The following STN1 variants were observed in gnomAD, a reference collection of about 807,000 sequenced individuals.
The protein encoded by STN1 is STN1 subunit of CST complex.
Under a neutral mutation model 45.5 loss-of-function variants are expected in STN1, and 29 were observed. The ratio of observed to expected loss-of-function variants is 0.64; its 90% CI spans 0.47 to 0.87. The LOEUF is 0.87. Among genes scored for constraint, STN1 ranks in the 40% least tolerant of loss-of-function variants. The pLI is 0.00. For synonymous variants in STN1, 148 were observed against 159.0 expected (o/e 0.93, Z 0.52); for missense variants, 376 against 441.4 (o/e 0.85, Z 1.33).
At position 103,892,233 on chromosome 10, in the gene STN1, G is replaced by T; in HGVS notation, c.773C>A (p.Thr258Asn). 6.3e-7 allele frequency: 1 copy of T among 1,598,534 alleles called. No homozygotes were observed. Among genetic ancestry groups the T allele is most frequent in the Non-Finnish European group, 8.5e-7 (1 of 1,176,024 alleles). Residue 258 changes from threonine (T) to asparagine (N), a missense_variant, in exon 8 of 10, where the codon ACC becomes AAC. Thr to Asn is a moderately conservative substitution (Grantham distance 65). Transcript: ENST00000224950. ...TATACTATGAATTGCCTTGGAAGTG[G>T]TGTCCTTCTTAAAATTCACCTGTAA... ...SSDQVNFKKD[T>N]TSKAIHSIFK...
At chr10:103,910,717 A>G (rs1843284671) in intron 2 of STN1, 95 bp from the exon 3 acceptor site, 2 of 657,378 alleles carry the variant, frequency 3.0e-6, no homozygotes, top group Non-Finnish European at 5.3e-6. Context: ...GTGTAAAAAA[A>G]TCAATCCATG....
In STN1 at chr10:103,917,654, C is replaced by A; in HGVS notation, c.-60G>T. 1 of 1,573,684 alleles carries A rather than the reference C, an allele frequency of 6.4e-7. No homozygotes were observed. The highest frequency in any genetic ancestry group is 8.6e-7 in the Non-Finnish European group (1 of 1,156,138). ...AAAGGTTCTGCATCACTGAGTCAAG[C>A]ATCTAGATGGGACACAGAAATGAGG... is the stretch of plus-strand genomic sequence containing the variant. On this transcript the variant is annotated splice_region_variant and 5_prime_UTR_variant, in exon 2 of 10. An upstream start codon of the reference 5' UTR is lost. Coordinates refer to ENST00000224950, the MANE Select transcript of STN1 (RefSeq NM_024928.5).
At chr10:103,906,029 T>A (rs528747515) in intron 3 of STN1, among the ~76,000 whole-genome samples, 1 of 152,298 alleles carries the variant, frequency 6.6e-6, no homozygotes, top group South Asian at 2.1e-4. Context: ...ACTAGACTGT[T>A]GTAAAAGCAC....
intron 7 of STN1, among the ~76,000 whole-genome samples, chr10:103,892,619 A>G (rs1843147102): frequency 6.6e-6 from 1 of 152,150 alleles, no homozygotes; most frequent in Non-Finnish European, 1.5e-5. Flanking sequence ...ATTAAAATTG[A>G]GGCTGTATAC....
chr10:103,908,267 C>G (rs796428601), intron 3 of STN1, among the ~76,000 whole-genome samples: 10 of 86,418 alleles, frequency 1.2e-4, no homozygotes, highest in African/African-American at 3.4e-4. Context: ...GGCACTGTCA[C>G]CAACCCCCGG....
intron 2 of STN1, among the ~76,000 whole-genome samples, chr10:103,911,779 T>C (rs1209405978): frequency 6.6e-6 from 1 of 152,160 alleles, no homozygotes; most frequent in Admixed American, 6.5e-5. Context: ...TTCTATTCTG[T>C]CCATTCATGG....
At chr10:103,889,415 C>T (rs925997692) in intron 8 of STN1, among the ~76,000 whole-genome samples, 1 of 152,038 alleles carries the variant, frequency 6.6e-6, no homozygotes, top group Non-Finnish European at 1.5e-5. Context: ...CTTTCTTCTT[C>T]AACACTCATA....
At chr10:103,890,446 T>C (rs1843132833) in intron 8 of STN1, among the ~76,000 whole-genome samples, 1 of 152,152 alleles carries the variant, frequency 6.6e-6, no homozygotes, top group Non-Finnish European at 1.5e-5. Flanking sequence ...CGACAAGAGA[T>C]CTATTTGTGC....
chr10:103,888,573 G>A (rs188116494), intron 9 of STN1, among the ~76,000 whole-genome samples: 5 of 152,198 alleles, frequency 3.3e-5, no homozygotes, highest in East Asian at 3.9e-4. Context: ...GAATTACACC[G>A]TTCATAAACA....
At chr10:103,896,979 G>A (rs570229569) in intron 7 of STN1, among the ~76,000 whole-genome samples, 1 of 152,254 alleles carries the variant, frequency 6.6e-6, no homozygotes, top group Admixed American at 6.5e-5. Context: ...GTAGATGAGA[G>A]GAGGTAATTA....
intron 4 of STN1, 98 bp from the exon 5 acceptor site, chr10:103,900,321 G>T (rs1455163706): frequency 1.8e-6 from 2 of 1,139,314 alleles, no homozygotes; most frequent in Admixed American, 5.1e-5. Context: ...AACACAATAT[G>T]CTTATTTATT....
At position 103,897,687 on chromosome 10, in the gene STN1, G is replaced by T; in HGVS notation, c.614C>A (p.Thr205Lys). ...TTTGGCTTTTTCACTCAGCAAACTC[G>T]TGAGACTGGGGAGGTCCAGGGCGCC... ...NPGALDLPSL[T>K]SLLSEKAKEF... The change falls in exon 7 of 10, where the codon ACG becomes AAG. Residue 205 changes from threonine (T) to lysine (K), a missense_variant. By Grantham distance (78) the Thr-to-Lys change is moderately conservative (BLOSUM62 -1). Coordinates refer to ENST00000224950, the MANE Select transcript of STN1 (RefSeq NM_024928.5). The T allele has an allele frequency of 1.2e-6, 2 of 1,614,194 alleles. No individual in the cohort carries two copies. Among genetic ancestry groups the T allele is most frequent in the Non-Finnish European group, 1.7e-6 (2 of 1,180,036 alleles).
intron 9 of STN1, among the ~76,000 whole-genome samples, chr10:103,885,194 T>C (rs1298460395): frequency 1.3e-5 from 2 of 152,190 alleles, no homozygotes; most frequent in Non-Finnish European, 2.9e-5. Flanking sequence ...GAATGTAACT[T>C]AGTTCCTGCT....
At chr10:103,886,512 A>G (rs1285306582) in intron 9 of STN1, among the ~76,000 whole-genome samples, 4 of 152,296 alleles carry the variant, frequency 2.6e-5, no homozygotes, top group Non-Finnish European at 1.5e-5. Flanking sequence ...CCCATACTGA[A>G]AGCCAAAATC....
intron 9 of STN1, among the ~76,000 whole-genome samples, chr10:103,884,630 C>T (rs1275433128): frequency 6.6e-6 from 1 of 152,148 alleles, no homozygotes; most frequent in Admixed American, 6.5e-5. Flanking sequence ...CACAAAGTCA[C>T]TGAAAGTTGT....
In STN1 at chr10:103,899,987, T is replaced by A. The variant is rs1186944897; in HGVS notation, c.457+75A>T. Reference sequence around the variant, plus strand: ...TAACTGAACTTTTTGAAAGTTTGACTTCCAGCTGAACAAGAGGTTTACTGG... The same window carrying A: ...TAACTGAACTTTTTGAAAGTTTGACATCCAGCTGAACAAGAGGTTTACTGG... On this transcript the variant is annotated intron_variant, in intron 5 of 9. Transcript: ENST00000224950. 2.8e-6 allele frequency: 4 copies of A among 1,450,956 alleles called. No homozygotes were observed. The East Asian group carries it at 9.2e-5, about 33-fold the overall frequency. 89.9% of individuals were successfully genotyped at this position (1,450,956 alleles called of 1,614,324 possible).
At chr10:103,917,258 T>TAAAA (rs5787502) in intron 2 of STN1, among the ~76,000 whole-genome samples, 1 of 90,682 alleles carries the variant, frequency 1.1e-5, no homozygotes, top group African/African-American at 4.3e-5. Context: ...AAACACCTAC[T>TAAAA]AAAAAAAAAA....
chr10:103,883,424 T>C (rs1843083796), intron 9 of STN1, among the ~76,000 whole-genome samples: 1 of 152,134 alleles, frequency 6.6e-6, no homozygotes, highest in Non-Finnish European at 1.5e-5. Context: ...GACCATCTAG[T>C]ATACAACAAT....
intron 3 of STN1, among the ~76,000 whole-genome samples, chr10:103,909,516 A>ATGTG (rs1843274964): frequency 1.2e-4 from 3 of 25,382 alleles, no homozygotes; most frequent in African/African-American, 1.1e-4. Flanking sequence ...ATATGTATAT[A>ATGTG]TGTATATATA....
Sources: gnomAD v4.1 joint callset for allele counts (sites outside exome capture counted in the v4.1 genomes callset) on GRCh38, gnomAD v4.1.1 for gene constraint, MANE v1.5 for transcripts, NCBI Gene and HGNC (gene_info 2026-07-23, HGNC 2026-07-21) for gene names.